SMR3B: variants seen among roughly 807,000 people sequenced by gnomAD.
SMR3B encodes submaxillary gland androgen regulated protein 3B.
For synonymous variants in SMR3B, 42 were observed against 36.1 expected (o/e 1.16, Z -0.59); for missense variants, 114 against 99.9 (o/e 1.14, Z -0.60).
chr4:70,389,825 C>G lies in SMR3B; in HGVS notation c.217C>G (p.Pro73Ala). 6.2e-7 allele frequency: 1 copy of G among 1,613,880 alleles called. No homozygotes were observed. Among genetic ancestry groups the G allele is most frequent in the South Asian group, 1.1e-5 (1 of 91,060 alleles). Reference sequence around the variant, plus strand: ...CGCACCCTATGGTCCAGGGATATTTCCACCACCCCCTCCTCAACCCTAAGG... The same window carrying G: ...CGCACCCTATGGTCCAGGGATATTTGCACCACCCCCTCCTCAACCCTAAGG... ...PPAPYGPGIF[P>A]PPPPQP Residue 73 changes from proline to alanine, a missense_variant, in exon 3 of 3, where the codon CCA (proline) becomes GCA (alanine). Pro to Ala is a conservative substitution (Grantham distance 27, BLOSUM62 -1). Transcript: ENST00000304915.
chr4:70,385,981 A>T (rs939276622), intron 2 of SMR3B, among the ~76,000 whole-genome samples: 4 of 152,048 alleles, frequency 2.6e-5, no homozygotes, highest in Admixed American at 2.6e-4. Flanking sequence ...TTTGAAAAAG[A>T]TAACTTTCTG....
At chr4:70,384,301 T>C (rs1358186849) in intron 1 of SMR3B, among the ~76,000 whole-genome samples, 196 bp from the exon 2 acceptor site, 1 of 152,198 alleles carries the variant, frequency 6.6e-6, no homozygotes, top group Non-Finnish European at 1.5e-5. Context: ...CTACTTCCAC[T>C]ATTTTGAAGT....
At chr4:70,387,477 T>A (rs1172393199) in intron 2 of SMR3B, among the ~76,000 whole-genome samples, 1 of 152,086 alleles carries the variant, frequency 6.6e-6, no homozygotes, top group East Asian at 1.9e-4. Context: ...ATGATCCAGT[T>A]TATAATTCCT....
At chr4:70,387,882 A>G (rs1402206724) in intron 2 of SMR3B, among the ~76,000 whole-genome samples, 4 of 152,194 alleles carry the variant, frequency 2.6e-5, no homozygotes, top group Non-Finnish European at 5.9e-5. Flanking sequence ...AGTGCTTGTG[A>G]CATCCTCTAC....
intron 2 of SMR3B, among the ~76,000 whole-genome samples, chr4:70,388,870 A>G (rs566602753): frequency 3.3e-5 from 5 of 152,260 alleles, no homozygotes; most frequent in Admixed American, 2.0e-4. Flanking sequence ...AGACATAATA[A>G]GACATTTTTC....
At position 70,389,980 on chromosome 4, in the gene SMR3B, A is replaced by G. The variant is rs768516703; in HGVS notation, c.*132A>G. The stretch of plus-strand genomic sequence containing the variant: ...CTACCCTCCCTACTCCTGCACCCCA[A>G]ATATGAACAACTGCAGCAGGTGCCA... On this transcript the variant is annotated 3_prime_UTR_variant, in exon 3 of 3. Transcript: ENST00000304915. The G allele has an allele frequency of 1.2e-4, 188 of 1,548,008 alleles. No homozygotes were observed. The highest frequency in any genetic ancestry group is 4.4e-4 in the South Asian group (39 of 89,652).
Position 70,384,252 on chromosome 4 carries a change from C to T in SMR3B, c.-14-245C>T, listed in dbSNP as rs143539832. Reference sequence around the variant, plus strand: ...GAGCAATGTATGAACAACTCTTTGGCATTATCCCCAGGATCAGTTTACAAG... The same window carrying T: ...GAGCAATGTATGAACAACTCTTTGGTATTATCCCCAGGATCAGTTTACAAG... On this transcript the variant is annotated intron_variant, in intron 1 of 2. Transcript: ENST00000304915. 6.8e-3 allele frequency among the ~76,000 whole-genome samples: 1,032 copies of T among 152,244 alleles called. 6 individuals are homozygous for T. Among genetic ancestry groups the T allele is most frequent in the Non-Finnish European group, 0.01 (701 of 67,998 alleles).
chr4:70,389,957 A>C lies in SMR3B; in HGVS notation c.*109A>C. 1 of 1,587,532 alleles carries C rather than the reference A, an allele frequency of 6.3e-7. No individual in the cohort carries two copies. Among genetic ancestry groups the C allele is most frequent in the Non-Finnish European group, 8.6e-7 (1 of 1,156,378 alleles). On this transcript the variant is annotated 3_prime_UTR_variant, in exon 3 of 3. Coordinates refer to ENST00000304915, the MANE Select transcript of SMR3B (RefSeq NM_006685.4). ...CCCTGTAAATTCTCCAACTGATCCT[A>C]CCCTCCCTACTCCTGCACCCCAAAT...
chr4:70,387,598 C>T (rs949030383), intron 2 of SMR3B, among the ~76,000 whole-genome samples: 4 of 152,046 alleles, frequency 2.6e-5, no homozygotes, highest in Non-Finnish European at 4.4e-5. Flanking sequence ...TGTAAAGAAA[C>T]AGAAAATTCC....
chr4:70,385,411 TTTTTTTTTTTG>T, intron 2 of SMR3B, among the ~76,000 whole-genome samples: 1 of 136,550 alleles, frequency 7.3e-6, no homozygotes, highest in African/African-American at 3.0e-5. Context: ...TTTTTTTTTT[TTTTTTTTTTTG>T]AAACAGACTC....
rs142853210 is a variant in SMR3B, at chr4:70,384,660, A to G, written c.54+96A>G. On this transcript the variant is annotated intron_variant, in intron 2 of 2. Transcript: ENST00000304915. ...CATTAATGATGTTACCTTTTCTTAT[A>G]TATTAGTAACTATTAATCATCAATG... 7 of 1,559,730 alleles carry G rather than the reference A, an allele frequency of 4.5e-6. No individual in the cohort carries two copies. In the Admixed American group the frequency reaches 1.2e-4, roughly 26 times the overall value.
intron 2 of SMR3B, among the ~76,000 whole-genome samples, chr4:70,386,272 C>CAAAAAAAAAA (rs33979547): frequency 7.9e-6 from 1 of 126,672 alleles, no homozygotes; most frequent in Admixed American, 8.0e-5. Context: ...GACTCTATCT[C>CAAAAAAAAAA]AAAAAAAAAA....
Position 70,388,488 on chromosome 4 carries a change from A to G in SMR3B, c.55-1175A>G, listed in dbSNP as rs373683411. Among the ~76,000 whole-genome samples the G allele has an allele frequency of 4.1e-4, 63 of 152,294 alleles. No homozygotes were observed. In the South Asian group the frequency reaches 5.8e-3, roughly 14 times the overall value. ...CCAATCATCACTCTAAGCATTTTAC[A>G]GGTAATATTTCACAACAAAAATCTG... On this transcript the variant is annotated intron_variant, in intron 2 of 2. Coordinates refer to ENST00000304915, the MANE Select transcript of SMR3B (RefSeq NM_006685.4).
In SMR3B at chr4:70,389,810, G is replaced by C; in HGVS notation, c.202G>C (p.Gly68Arg). 1.2e-6 allele frequency: 2 copies of C among 1,613,588 alleles called. No individual in the cohort carries two copies. The highest frequency in any genetic ancestry group is 1.7e-6 in the Non-Finnish European group (2 of 1,179,914). ...CCCACCTCCTCCTCCCGCACCCTAT[G>C]GTCCAGGGATATTTCCACCACCCCC... ...RIPPPPPAPYGPGIFPPPPPQ... is the reference protein window; with the variant it reads ...RIPPPPPAPYRPGIFPPPPPQ... Residue 68 changes from glycine (G) to arginine (R), a missense_variant, in exon 3 of 3, where the codon GGT becomes CGT. Transcript: ENST00000304915.
At chr4:70,389,539 A>G (rs535394521) in intron 2 of SMR3B, 124 bp from the exon 3 acceptor site, 1 of 942,972 alleles carries the variant, frequency 1.1e-6, no homozygotes, top group Admixed American at 2.4e-5. Context: ...TCAGGCCAGC[A>G]TGTGCCAGCA....
chr4:70,387,362 T>A (rs182001863), intron 2 of SMR3B, among the ~76,000 whole-genome samples: 128 of 152,230 alleles, frequency 8.4e-4, no homozygotes, highest in Non-Finnish European at 1.2e-4. Context: ...AGAGATATGA[T>A]AAGAAGTGGT....
chr4:70,386,231 C>T (rs1732662948), intron 2 of SMR3B, among the ~76,000 whole-genome samples: 3 of 146,638 alleles, frequency 2.0e-5, no homozygotes, highest in Admixed American at 6.9e-5. Context: ...CAAGATTGTG[C>T]CACTGCACTC....
chr4:70,383,892 A>G (rs913191195), intron 1 of SMR3B, among the ~76,000 whole-genome samples: 1 of 152,164 alleles, frequency 6.6e-6, no homozygotes, highest in African/African-American at 2.4e-5. Context: ...TCTCTGATAT[A>G]TGGATTTTTG....
chr4:70,386,767 C>G (rs911845941), intron 2 of SMR3B, among the ~76,000 whole-genome samples: 1 of 152,146 alleles, frequency 6.6e-6, no homozygotes, highest in Non-Finnish European at 1.5e-5. Context: ...GCACTTTCAG[C>G]TAATTTTTTA....
Sources: gnomAD v4.1 joint callset for allele counts (sites outside exome capture counted in the v4.1 genomes callset) on GRCh38, gnomAD v4.1.1 for gene constraint, MANE v1.5 for transcripts, NCBI Gene and HGNC (gene_info 2026-07-23, HGNC 2026-07-21) for gene names.